NCAM2: variants seen among roughly 807,000 people sequenced by gnomAD.
The protein encoded by NCAM2 is neural cell adhesion molecule 2.
Under a neutral mutation model 98.1 loss-of-function variants are expected in NCAM2, and 30 were observed. That is an observed-to-expected ratio of 0.31 (90% CI 0.23 to 0.41). The LOEUF is 0.41. Ranked by LOEUF, NCAM2 falls within the 10% of genes least tolerant of loss-of-function variation. NCAM2 has a pLI of 1.00. For synonymous variants in NCAM2, 368 were observed against 342.4 expected (o/e 1.07, Z -0.83); for missense variants, 867 against 1,005.8 (o/e 0.86, Z 1.87).
At chr21:21,297,222 G>A (rs975061478) in intron 5 of NCAM2, among the ~76,000 whole-genome samples, 5 of 151,788 alleles carry the variant, frequency 3.3e-5, no homozygotes, top group Admixed American at 6.6e-5. Context: ...GAGTAAGGAC[G>A]TGCATAAATT....
In NCAM2 at chr21:21,534,548, C is replaced by A; in HGVS notation, c.2294C>A (p.Ser765Ter). The change falls in exon 17 of 18, where the codon TCA becomes TAA. Residue 765 changes from serine to a stop codon, truncating the protein, a stop_gained. Transcript: ENST00000400546. LOFTEE classifies it high-confidence loss of function. ...EGKAAYLKDGSKEPIVEMRTE... is the reference protein window; with the variant it reads ...EGKAAYLKDG Reference sequence around the variant, plus strand: ...CTTTATGTTTCTAGGAAAGATGGATCAAAAGAACCAATAGTGGAGATGAGA... The same window carrying A: ...CTTTATGTTTCTAGGAAAGATGGATAAAAAGAACCAATAGTGGAGATGAGA... The A allele has an allele frequency of 1.9e-6, 3 of 1,589,672 alleles. No individual in the cohort carries two copies. The highest frequency in any genetic ancestry group is 1.1e-5 in the South Asian group (1 of 88,438).
chr21:21,527,827 T>G (rs573378776), intron 16 of NCAM2, among the ~76,000 whole-genome samples: 5 of 152,166 alleles, frequency 3.3e-5, no homozygotes, highest in Non-Finnish European at 7.3e-5. Flanking sequence ...ACCTTAAAAT[T>G]TATTATTTGA....
chr21:21,185,557 T>C (rs1306799790), intron 1 of NCAM2, among the ~76,000 whole-genome samples: 1 of 152,218 alleles, frequency 6.6e-6, no homozygotes, highest in Non-Finnish European at 1.5e-5. Flanking sequence ...TGCTTTTCAC[T>C]TTCAAAGTCA....
Position 21,265,077 on chromosome 21 carries a change from TAC to T in NCAM2, c.56-15495_56-15494del, listed in dbSNP as rs765802399. Among the ~76,000 whole-genome samples the T allele has an allele frequency of 1.5e-4, 17 of 111,102 alleles. 1 individual carries two copies. The highest frequency in any genetic ancestry group is 7.0e-4 in the East Asian group (3 of 4,302). The allele number at this position is 111,102 out of a possible 152,430, so 72.9% of individuals were successfully genotyped here. On this transcript the variant is annotated intron_variant, in intron 1 of 17. Transcript: ENST00000400546. ...CTATATATGTGTATGTGTATATATATACACACATATATTATATATACATATAT... is the reference window on the plus strand; with the variant it reads ...CTATATATGTGTATGTGTATATATATACACATATATTATATATACATATAT...
At chr21:21,359,180 G>A (rs1421859651) in intron 8 of NCAM2, among the ~76,000 whole-genome samples, 1 of 151,838 alleles carries the variant, frequency 6.6e-6, no homozygotes, top group Non-Finnish European at 1.5e-5. Context: ...ACATTTTAAA[G>A]ATCTACCTAA....
intron 5 of NCAM2, among the ~76,000 whole-genome samples, chr21:21,319,118 A>G (rs1225477539): frequency 6.6e-6 from 1 of 152,138 alleles, no homozygotes; most frequent in Admixed American, 6.6e-5. Flanking sequence ...CCCTGTATCA[A>G]AAAGAAAAAC....
At chr21:21,255,537 T>C (rs765292510) in intron 1 of NCAM2, among the ~76,000 whole-genome samples, 11 of 152,226 alleles carry the variant, frequency 7.2e-5, no homozygotes, top group Non-Finnish European at 1.6e-4. Flanking sequence ...AAGTGTTTGA[T>C]TGTAAAAATC....
intron 5 of NCAM2, among the ~76,000 whole-genome samples, chr21:21,319,508 G>A (rs1211289011): frequency 3.9e-5 from 6 of 152,088 alleles, no homozygotes; most frequent in African/African-American, 1.4e-4. Flanking sequence ...GGGCATGATG[G>A]CGCGTGCCTG....
chr21:21,054,773 A>G (rs370512953), intron 1 of NCAM2, among the ~76,000 whole-genome samples: 4 of 152,080 alleles, frequency 2.6e-5, no homozygotes, highest in Admixed American at 2.6e-4. Context: ...AACTATGAGT[A>G]TAGGAAAACT....
intron 1 of NCAM2, among the ~76,000 whole-genome samples, chr21:21,041,242 A>G (rs985534651): frequency 6.6e-6 from 1 of 152,218 alleles, no homozygotes; most frequent in Non-Finnish European, 1.5e-5. Flanking sequence ...CTGTAAGAAT[A>G]TTACAGAATT....
chr21:21,309,568 C>T (rs1308090773), intron 5 of NCAM2, among the ~76,000 whole-genome samples: 1 of 152,146 alleles, frequency 6.6e-6, no homozygotes, highest in African/African-American at 2.4e-5. Context: ...TTTCCCTGGC[C>T]TCAGTTACTT....
chr21:21,507,561 A>C (rs925815828), intron 15 of NCAM2, among the ~76,000 whole-genome samples: 12 of 152,124 alleles, frequency 7.9e-5, no homozygotes, highest in African/African-American at 2.4e-4. Context: ...TGGGAGGCCA[A>C]GGCGGGCGGA....
At chr21:21,189,961 G>T (rs2068765613) in intron 1 of NCAM2, among the ~76,000 whole-genome samples, 1 of 152,154 alleles carries the variant, frequency 6.6e-6, no homozygotes, top group South Asian at 2.1e-4. Context: ...ATGATAGATG[G>T]GCAAGGTGGT....
chr21:21,443,885 T>C (rs906894038), intron 12 of NCAM2, among the ~76,000 whole-genome samples: 8 of 152,166 alleles, frequency 5.3e-5, no homozygotes, highest in Admixed American at 2.6e-4. Context: ...TTCACTGTTA[T>C]AGAAAAACTT....
At chr21:21,008,246 C>T (rs1354364794) in intron 1 of NCAM2, among the ~76,000 whole-genome samples, 1 of 152,078 alleles carries the variant, frequency 6.6e-6, no homozygotes, top group African/African-American at 2.4e-5. Context: ...TAATCTTGTT[C>T]GCTCTTTATC....
At chr21:21,308,535 A>T (rs2073950729) in intron 5 of NCAM2, among the ~76,000 whole-genome samples, 2 of 152,050 alleles carry the variant, frequency 1.3e-5, no homozygotes, top group South Asian at 4.1e-4. Flanking sequence ...AGTCACCCCC[A>T]GATTCTTAGA....
intron 12 of NCAM2, among the ~76,000 whole-genome samples, chr21:21,448,942 G>A (rs985942258): frequency 6.6e-6 from 1 of 152,022 alleles, no homozygotes; most frequent in Non-Finnish European, 1.5e-5. Context: ...AGCTAAATTA[G>A]GATGTTGTAT....
chr21:21,009,153 G>A (rs2064161647), intron 1 of NCAM2, among the ~76,000 whole-genome samples: 3 of 152,058 alleles, frequency 2.0e-5, no homozygotes, highest in Admixed American at 6.6e-5. Context: ...GCAAATATGT[G>A]CTGAATGCAT....
rs549516346 is a variant in NCAM2, at chr21:21,062,586, T to C, written c.55+63968T>C. 4.6e-5 allele frequency among the ~76,000 whole-genome samples: 7 copies of C among 152,284 alleles called. No homozygotes were observed. In the South Asian group the frequency reaches 1.0e-3, roughly 23 times the overall value. ...GCTACCGATATCTTGATCTCAGACT[T>C]GTAGTCTCAAGAACTTTGAGATAAA... is the stretch of plus-strand genomic sequence containing the variant. On this transcript the variant is annotated intron_variant, in intron 1 of 17. Coordinates refer to ENST00000400546, the MANE Select transcript of NCAM2 (RefSeq NM_004540.5).
Sources: gnomAD v4.1 joint callset for allele counts (sites outside exome capture counted in the v4.1 genomes callset) on GRCh38, gnomAD v4.1.1 for gene constraint, MANE v1.5 for transcripts, NCBI Gene and HGNC (gene_info 2026-07-23, HGNC 2026-07-21) for gene names.